CGNL1: variants seen among roughly 807,000 people sequenced by gnomAD.
CGNL1 encodes the protein cingulin-like protein 1.
CGNL1 carries 132 observed loss-of-function variants against 141.2 expected under a neutral mutation model. That is an observed-to-expected ratio of 0.93 (90% CI 0.81 to 1.08). The LOEUF is 1.08. Ranked by LOEUF, CGNL1 falls within the 50% of genes least tolerant of loss-of-function variation. CGNL1 has a pLI of 0.00. For synonymous variants in CGNL1, 690 were observed against 622.1 expected (o/e 1.11, Z -1.63); for missense variants, 1,870 against 1,588.6 (o/e 1.18, Z -3.01).
At chr15:57,388,536 A>G (rs1316327810) in intron 1 of CGNL1, among the ~76,000 whole-genome samples, 1 of 152,206 alleles carries the variant, frequency 6.6e-6, no homozygotes, top group African/African-American at 2.4e-5. Flanking sequence ...CAGTGTCTGC[A>G]GAGGTAGCTG....
rs142433373 is a variant in CGNL1, at chr15:57,547,663, C to T, written c.*173C>T. 8.8e-5 allele frequency: 58 copies of T among 660,836 alleles called. No individual in the cohort carries two copies. The highest frequency in any genetic ancestry group is 8.4e-4 in the Middle Eastern group (2 of 2,382). The allele number at this position is 660,836 out of a possible 1,614,324, so 40.9% of individuals were successfully genotyped here. A position where few individuals can be genotyped will look rare whatever the true frequency, so the allele number is the denominator to read the frequency against. ...TCGCCAGGGTCTCTCAGTGGGTCTTCGACAGAGAGCTTTTGCAGTTTAAAA... is the reference window on the plus strand; with the variant it reads ...TCGCCAGGGTCTCTCAGTGGGTCTTTGACAGAGAGCTTTTGCAGTTTAAAA... On this transcript the variant is annotated 3_prime_UTR_variant, in exon 19 of 19. Coordinates refer to ENST00000281282, the MANE Select transcript of CGNL1 (RefSeq NM_032866.5).
chr15:57,388,800 C>T (rs559970609), intron 1 of CGNL1, among the ~76,000 whole-genome samples: 217 of 152,262 alleles, frequency 1.4e-3, no homozygotes, highest in Non-Finnish European at 2.5e-3. Flanking sequence ...ACCAGTGGAT[C>T]TAGATTTTAT....
intron 1 of CGNL1, among the ~76,000 whole-genome samples, chr15:57,381,396 C>T (rs1567084139): frequency 6.6e-6 from 1 of 152,012 alleles, no homozygotes; most frequent in African/African-American, 2.4e-5. Flanking sequence ...ACCGCCTCTA[C>T]AAAAAAATAC....
At position 57,458,785 on chromosome 15, in the gene CGNL1, C is replaced by T. The variant is rs576819445; in HGVS notation, c.2191-2895C>T. Among the ~76,000 whole-genome samples, 12 of 152,238 alleles carry T rather than the reference C, an allele frequency of 7.9e-5. No individual in the cohort carries two copies. The South Asian group carries it at 1.5e-3, about 18-fold the overall frequency. On this transcript the variant is annotated intron_variant, in intron 7 of 18. Transcript: ENST00000281282. Reference sequence around the variant, plus strand: ...AGCAGGGCGTCCTCTTTGATAAATACGAGGACAGGGTATAATTTCATAAGA... The same window carrying T: ...AGCAGGGCGTCCTCTTTGATAAATATGAGGACAGGGTATAATTTCATAAGA...
chr15:57,418,587 G>T (rs1355148812), intron 1 of CGNL1, among the ~76,000 whole-genome samples: 1 of 152,156 alleles, frequency 6.6e-6, no homozygotes, highest in Admixed American at 6.5e-5. Context: ...TCTTTGGCTT[G>T]TGGGAAACTG....
chr15:57,393,263 A>G (rs1021310395), intron 1 of CGNL1, among the ~76,000 whole-genome samples: 8 of 152,202 alleles, frequency 5.3e-5, no homozygotes, highest in Non-Finnish European at 8.8e-5. Flanking sequence ...TGCAATGGCC[A>G]CCGGATACCC....
chr15:57,502,896 C>A (rs1373830735), intron 8 of CGNL1, among the ~76,000 whole-genome samples: 1 of 152,084 alleles, frequency 6.6e-6, no homozygotes, highest in African/African-American at 2.4e-5. Flanking sequence ...ACAGACCGAC[C>A]CAGGGGCTGC....
chr15:57,500,896 A>G (rs1178817125), intron 8 of CGNL1, among the ~76,000 whole-genome samples: 1 of 152,228 alleles, frequency 6.6e-6, no homozygotes, highest in Non-Finnish European at 1.5e-5. Context: ...TTTCTCACAG[A>G]GACATTGTTA....
At chr15:57,492,278 T>C (rs534791833) in intron 8 of CGNL1, among the ~76,000 whole-genome samples, 2 of 152,242 alleles carry the variant, frequency 1.3e-5, no homozygotes, top group East Asian at 3.9e-4. Flanking sequence ...ATCCTAGAAA[T>C]TGACATTCAA....
At chr15:57,409,418 AT>A (rs1318721272) in intron 1 of CGNL1, among the ~76,000 whole-genome samples, 1 of 152,252 alleles carries the variant, frequency 6.6e-6, no homozygotes, top group Non-Finnish European at 1.5e-5. Context: ...TGAAGTACAA[AT>A]TTGAAAAGAT....
At chr15:57,512,336 A>G (rs2030384346) in intron 8 of CGNL1, among the ~76,000 whole-genome samples, 2 of 152,168 alleles carry the variant, frequency 1.3e-5, no homozygotes, top group African/African-American at 4.8e-5. Context: ...GGTTTCAGGA[A>G]AGGAAAGTTT....
intron 1 of CGNL1, among the ~76,000 whole-genome samples, chr15:57,416,402 G>A (rs1055747424): frequency 4.6e-5 from 7 of 152,072 alleles, no homozygotes; most frequent in South Asian, 2.1e-4. Flanking sequence ...CTTCAAAGTC[G>A]TCAGGAACAT....
intron 10 of CGNL1, 59 bp downstream of exon 10, chr15:57,518,556 C>A: frequency 1.8e-6 from 2 of 1,141,818 alleles, no homozygotes; most frequent in Non-Finnish European, 2.6e-6. Context: ...AGACGCAACA[C>A]CAGAGGGATG....
At chr15:57,436,083 C>G (rs576052614) in intron 1 of CGNL1, among the ~76,000 whole-genome samples, 1 of 152,144 alleles carries the variant, frequency 6.6e-6, no homozygotes, top group Non-Finnish European at 1.5e-5. Context: ...AAGCAGAAAT[C>G]AAAACCCCAA....
intron 1 of CGNL1, among the ~76,000 whole-genome samples, chr15:57,431,181 C>T (rs1178849835): frequency 6.6e-6 from 1 of 152,146 alleles, no homozygotes; most frequent in Non-Finnish European, 1.5e-5. Context: ...TTTTTTCCCC[C>T]CAAATAGAAA....
intron 8 of CGNL1, among the ~76,000 whole-genome samples, chr15:57,505,258 C>A (rs1281249527): frequency 6.6e-6 from 1 of 152,170 alleles, no homozygotes; most frequent in African/African-American, 2.4e-5. Context: ...GCGACTCATC[C>A]TTTGACATTT....
intron 1 of CGNL1, among the ~76,000 whole-genome samples, chr15:57,424,674 G>T (rs1232217897): frequency 6.6e-6 from 1 of 152,152 alleles, no homozygotes; most frequent in African/African-American, 2.4e-5. Flanking sequence ...AAGATGGACA[G>T]AACACATAAA....
intron 1 of CGNL1, among the ~76,000 whole-genome samples, chr15:57,382,015 T>C (rs2062430580): frequency 6.6e-6 from 1 of 152,192 alleles, no homozygotes; most frequent in South Asian, 2.1e-4. Flanking sequence ...TCTGCAAACC[T>C]CTGAGTTTCT....
chr15:57,460,703 A>G (rs550712689), intron 7 of CGNL1, among the ~76,000 whole-genome samples: 1 of 152,286 alleles, frequency 6.6e-6, no homozygotes, highest in South Asian at 2.1e-4. Flanking sequence ...CAAGAGCAAC[A>G]TGGGGAAAAC....
Sources: allele counts gnomAD v4.1 joint callset (sites outside exome capture counted in the v4.1 genomes callset), GRCh38; gene constraint gnomAD v4.1.1; transcripts MANE v1.5; gene names NCBI Gene and HGNC (gene_info 2026-07-23, HGNC 2026-07-21).